The following TMEM163 variants were observed in gnomAD, a reference collection of about 807,000 sequenced individuals.
TMEM163 encodes the protein transmembrane protein 163.
A neutral mutation model predicts 29.3 loss-of-function variants in TMEM163; 17 were observed. The ratio of observed to expected loss-of-function variants is 0.58; its 90% CI spans 0.40 to 0.87. The LOEUF (loss-of-function observed/expected upper bound fraction) is 0.87. TMEM163 is among the 40% of genes least tolerant of loss of function. The pLI, the probability that TMEM163 is intolerant of heterozygous loss-of-function variation, is 0.00. For synonymous variants in TMEM163, 157 were observed against 160.6 expected, an observed-to-expected ratio of 0.98 and a Z score of 0.17; for missense variants, 303 against 381.5, an observed-to-expected ratio of 0.79 and a Z score of 1.71.
intron 2 of TMEM163, among the ~76,000 whole-genome samples, chr2:134,644,604 CA>C (rs1372259130): frequency 6.6e-6 from 1 of 152,140 alleles, no homozygotes; most frequent in Non-Finnish European, 1.5e-5. Flanking sequence ...ATACCTCATA[CA>C]TCAAAAATTA....
chr2:134,465,820 A>G (rs1384550756), intron 6 of TMEM163, among the ~76,000 whole-genome samples: 1 of 152,220 alleles, frequency 6.6e-6, no homozygotes, highest in Non-Finnish European at 1.5e-5. Flanking sequence ...CCAAGACTCC[A>G]GGAAGCCCTT....
At chr2:134,627,076 C>T (rs1323838891) in intron 2 of TMEM163, among the ~76,000 whole-genome samples, 1 of 152,134 alleles carries the variant, frequency 6.6e-6, no homozygotes, top group African/African-American at 2.4e-5. Flanking sequence ...GAAATTCTAG[C>T]TTAATGTTAA....
chr2:134,690,902 G>A (rs1274006623), intron 2 of TMEM163, among the ~76,000 whole-genome samples: 1 of 152,200 alleles, frequency 6.6e-6, no homozygotes, highest in Non-Finnish European at 1.5e-5. Context: ...TAACGACTTT[G>A]AGAGACAACT....
chr2:134,500,987 G>A (rs1679684582), intron 5 of TMEM163, among the ~76,000 whole-genome samples: 2 of 151,882 alleles, frequency 1.3e-5, no homozygotes, highest in African/African-American at 4.8e-5. Context: ...GCTAGGAGAG[G>A]GATACTGAAT....
In TMEM163 at chr2:134,601,045, T is replaced by C. The variant is rs552944514; in HGVS notation, c.323-48954A>G. ...ATACACACACACGCATGTATATATA[T>C]GCTTTCACAGTAAAAATATATACTT... On this transcript the variant is annotated intron_variant, in intron 2 of 7. Coordinates refer to ENST00000281924, the MANE Select transcript of TMEM163 (RefSeq NM_030923.5). Among the ~76,000 whole-genome samples, 12 of 152,276 alleles carry C rather than the reference T, an allele frequency of 7.9e-5. No individual in the cohort carries two copies. In the East Asian group the frequency reaches 1.3e-3, roughly 17 times the overall value.
intron 2 of TMEM163, among the ~76,000 whole-genome samples, chr2:134,689,110 G>GTTTTTTT (rs5834423): frequency 7.6e-6 from 1 of 130,926 alleles, no homozygotes; most frequent in Non-Finnish European, 1.6e-5. Context: ...TTTTTGTTTT[G>GTTTTTTT]TTTTTTTTTT....
chr2:134,505,239 C>CCTTTTTT lies in TMEM163; in HGVS notation c.459-2243_459-2242insAAAAAAG, dbSNP rs373282805. Among the ~76,000 whole-genome samples the CCTTTTTT allele has an allele frequency of 3.3e-3, 428 of 130,206 alleles. 8 individuals carry two copies. The highest frequency in any genetic ancestry group is 0.012 in the African/African-American group (403 of 33,282). The allele number at this position is 130,206 out of a possible 152,430, so 85.4% of individuals were successfully genotyped here. A position where few individuals can be genotyped will look rare whatever the true frequency, so the allele number is the denominator to read the frequency against. On this transcript the variant is annotated intron_variant, in intron 4 of 7. Coordinates refer to ENST00000281924, the MANE Select transcript of TMEM163 (RefSeq NM_030923.5). ...CACATTGTACTCACCTGGGGAATTCCTTTTTTTTTTTTTTTTTTTTTTAAA... is the reference window on the plus strand; with the variant it reads ...CACATTGTACTCACCTGGGGAATTCCCTTTTTTTTTTTTTTTTTTTTTTTTTTTTAAA...
chr2:134,513,638 G>A (rs78846319), intron 4 of TMEM163, among the ~76,000 whole-genome samples: 3,148 of 152,280 alleles, frequency 0.021, 86 homozygotes, highest in Middle Eastern at 0.15. Flanking sequence ...ACTGACTCAG[G>A]CACTGTCTGT....
Position 134,566,330 on chromosome 2 carries a change from G to T in TMEM163, c.323-14239C>A, listed in dbSNP as rs111786477. On this transcript the variant is annotated intron_variant, in intron 2 of 7. Transcript: ENST00000281924. Reference sequence around the variant, plus strand: ...GCCTGTAATCTCATTTTGGGAGCCTGAGGTGGGTGGATCACAAGGTCAGGA... The same window carrying T: ...GCCTGTAATCTCATTTTGGGAGCCTTAGGTGGGTGGATCACAAGGTCAGGA... Among the ~76,000 whole-genome samples, 508 of 152,298 alleles carry T rather than the reference G, an allele frequency of 3.3e-3. 4 individuals are homozygous for T. The highest frequency in any genetic ancestry group is 0.025 in the South Asian group (121 of 4,818).
chr2:134,529,100 G>A (rs185729959), intron 4 of TMEM163, among the ~76,000 whole-genome samples: 4 of 152,284 alleles, frequency 2.6e-5, no homozygotes, highest in East Asian at 1.9e-4. Context: ...GGAAGCCAAG[G>A]CCAGTGGATT....
intron 2 of TMEM163, among the ~76,000 whole-genome samples, chr2:134,652,171 C>A (rs1683494908): frequency 8.4e-6 from 1 of 119,358 alleles, no homozygotes; most frequent in Non-Finnish European, 1.7e-5. Context: ...TTCTTCCTAC[C>A]CATGAGCATG....
rs1686694751 is a variant in TMEM163 at position 134,467,397 on chromosome 2, AGTGATCAAG to A, written c.556-1181_556-1173del. The A allele has an allele frequency of 2.0e-5, 3 of 152,268 alleles. No individual in the cohort carries two copies. The South Asian group carries it at 6.2e-4, about 32-fold the overall frequency. The allele number at this position is 152,268 out of a possible 1,614,324, so 9.4% of individuals were successfully genotyped here. ...AACCAAGCAGACACCACCTTAGCCA[AGTGATCAAG>A]GTTCACATCACCATTATTAAGTTGT... On this transcript the variant is annotated intron_variant, in intron 5 of 7. Transcript: ENST00000281924.
intron 2 of TMEM163, among the ~76,000 whole-genome samples, chr2:134,615,121 G>GA (rs776710908): frequency 1.3e-5 from 2 of 152,202 alleles, no homozygotes; most frequent in Non-Finnish European, 1.5e-5. Context: ...GGAAGATTAT[G>GA]AAAAAAACTA....
intron 2 of TMEM163, among the ~76,000 whole-genome samples, chr2:134,620,257 C>CTT (rs373805175): frequency 7.2e-6 from 1 of 138,060 alleles, no homozygotes; most frequent in Non-Finnish European, 1.6e-5. Flanking sequence ...TATCTAATTT[C>CTT]TTTTTTTTTT....
At chr2:134,638,255 G>A (rs576495600) in intron 2 of TMEM163, among the ~76,000 whole-genome samples, 1 of 152,162 alleles carries the variant, frequency 6.6e-6, no homozygotes, top group Non-Finnish European at 1.5e-5. Context: ...CCTATTGATG[G>A]TTATAGAGGT....
intron 6 of TMEM163, among the ~76,000 whole-genome samples, chr2:134,465,192 A>AAAAAAAAAC (rs1553471751): frequency 1.0e-4 from 14 of 135,934 alleles, no homozygotes; most frequent in African/African-American, 4.6e-4. Flanking sequence ...GCATCTTTAA[A>AAAAAAAAAC]AAAAAAAAAA....
intron 5 of TMEM163, among the ~76,000 whole-genome samples, chr2:134,483,230 C>A (rs1194784220): frequency 6.6e-6 from 1 of 152,102 alleles, no homozygotes; most frequent in Non-Finnish European, 1.5e-5. Context: ...CCCTCCAACC[C>A]CTGAAGGTTG....
intron 6 of TMEM163, among the ~76,000 whole-genome samples, chr2:134,465,068 C>T (rs1257620829): frequency 1.3e-5 from 2 of 151,850 alleles, no homozygotes; most frequent in Non-Finnish European, 2.9e-5. Flanking sequence ...AAAAAATAAT[C>T]TACCCGGGCA....
chr2:134,625,187 G>A (rs1475659096), intron 2 of TMEM163, among the ~76,000 whole-genome samples: 1 of 152,104 alleles, frequency 6.6e-6, no homozygotes, highest in East Asian at 1.9e-4. Flanking sequence ...GAAAGAAAAA[G>A]TTTGTGTCCA....
Sources: gnomAD v4.1 joint callset for allele counts (sites outside exome capture counted in the v4.1 genomes callset) on GRCh38, gnomAD v4.1.1 for gene constraint, MANE v1.5 for transcripts, NCBI Gene and HGNC (gene_info 2026-07-23, HGNC 2026-07-21) for gene names.